ZCCHC8: variants seen among roughly 807,000 people sequenced by gnomAD.
The protein encoded by ZCCHC8 is zinc finger CCHC-type containing 8, also known as zinc finger CCHC domain-containing protein 8.
Under a neutral mutation model 70.6 loss-of-function variants are expected in ZCCHC8, and 27 were observed. The observed-to-expected ratio is 0.38, with a 90% CI of 0.28 to 0.53. The LOEUF (loss-of-function observed/expected upper bound fraction) is 0.53, where lower values mean the gene tolerates loss of function less well. Ranked by LOEUF, ZCCHC8 falls within the 20% of genes least tolerant of loss-of-function variation. ZCCHC8 has a pLI of 0.81. For synonymous variants in ZCCHC8, 293 were observed against 317.4 expected (o/e 0.92, Z 0.82); for missense variants, 737 against 876.9 (o/e 0.84, Z 2.01).
chr12:122,498,894 GC>G, intron 1 of ZCCHC8, 25 bp from the exon 2 acceptor site: 1 of 1,604,918 alleles, frequency 6.2e-7, no homozygotes, highest in Non-Finnish European at 8.5e-7. Flanking sequence ...AGGAAGATAA[GC>G]CCTCATTTAA....
chr12:122,482,611 T>C, intron 8 of ZCCHC8, 24 bp downstream of exon 8: 3 of 1,589,364 alleles, frequency 1.9e-6, no homozygotes, highest in African/African-American at 1.3e-5. Flanking sequence ...TTCAAAGACT[T>C]TTCTTAACAT....
chr12:122,492,811 A>G (rs1008671516), intron 2 of ZCCHC8, 22 bp from the exon 3 acceptor site: 2 of 1,448,868 alleles, frequency 1.4e-6, no homozygotes, highest in African/African-American at 1.4e-5. Flanking sequence ...GTTAGAACAT[A>G]TTCTTAGAAG....
chr12:122,489,411 A>G lies in ZCCHC8; in HGVS notation c.476T>C (p.Ile159Thr). The G allele has an allele frequency of 1.2e-6, 2 of 1,613,564 alleles. No homozygotes were observed. Among genetic ancestry groups the G allele is most frequent in the South Asian group, 2.2e-5 (2 of 90,990 alleles). Residue 159 changes from isoleucine (I) to threonine (T), a missense_variant, in exon 5 of 14, where the codon ATT becomes ACT. Transcript: ENST00000633063. ...EDHKVEESCA[I>T]KNNKEAFSVV... ...ACTGAAAGCTTCCTTGTTGTTTTTA[A>G]TGGCACAGGACTCTTCCACTTTGTG...
At chr12:122,486,412 C>CAAAAAAAAAA (rs762392385) in intron 5 of ZCCHC8, among the ~76,000 whole-genome samples, 1 of 50,858 alleles carries the variant, frequency 2.0e-5, no homozygotes, top group Admixed American at 2.7e-4. Flanking sequence ...GAGGCTGTCT[C>CAAAAAAAAAA]AAAAAAAAAA....
intron 5 of ZCCHC8, chr12:122,484,021 C>T (rs985601720): frequency 1.9e-5 from 3 of 161,804 alleles, no homozygotes; most frequent in African/African-American, 7.2e-5. Flanking sequence ...TATCCTTCAC[C>T]TAAACAACTG....
chr12:122,489,533 GT>G, intron 4 of ZCCHC8, 70 bp from the exon 5 acceptor site: 1 of 1,352,446 alleles, frequency 7.4e-7, no homozygotes, highest in Non-Finnish European at 1.0e-6. Context: ...AAGTTAGTAA[GT>G]TTAGAAATTA....
chr12:122,477,882 C>G lies in ZCCHC8; in HGVS notation c.1304G>C (p.Ser435Thr). 6.2e-7 allele frequency: 1 copy of G among 1,613,458 alleles called. No homozygotes were observed. The highest frequency in any genetic ancestry group is 8.5e-7 in the Non-Finnish European group (1 of 1,179,796). The change falls in exon 13 of 14, where the codon AGC (serine) becomes ACC (threonine). Residue 435 changes from serine (S) to threonine (T), a missense_variant. By Grantham distance (58) the Ser-to-Thr change is moderately conservative. Coordinates refer to ENST00000633063, the MANE Select transcript of ZCCHC8 (RefSeq NM_017612.5). ...GTCGGCGGGAGATCCCGCTGAGTTG[C>G]TTTCATTCTTCTGCTTCTTTGGACT... Reference protein sequence around the residue: ...PGSPKKQKNESNSAGSPADME... With the variant: ...PGSPKKQKNETNSAGSPADME...
chr12:122,475,080 C>T (rs922456910), intron 13 of ZCCHC8, among the ~76,000 whole-genome samples: 1 of 151,954 alleles, frequency 6.6e-6, no homozygotes, highest in Non-Finnish European at 1.5e-5. Flanking sequence ...TGGAGTCTTG[C>T]TCTGTTGCCC....
At chr12:122,480,385 T>C (rs1161568839) in intron 10 of ZCCHC8, 74 bp from the exon 11 acceptor site, 6 of 1,276,654 alleles carry the variant, frequency 4.7e-6, no homozygotes, top group Non-Finnish European at 5.2e-6. Flanking sequence ...AAAGTACACC[T>C]GGAAAGTGCT....
At chr12:122,494,884 A>G (rs1593333257) in intron 2 of ZCCHC8, among the ~76,000 whole-genome samples, 2 of 152,236 alleles carry the variant, frequency 1.3e-5, no homozygotes, top group East Asian at 3.8e-4. Flanking sequence ...AGTCACATGC[A>G]GCTGCATGGT....
intron 8 of ZCCHC8, 27 bp from the exon 9 acceptor site, chr12:122,482,114 T>C (rs769249231): frequency 1.3e-6 from 2 of 1,573,170 alleles, no homozygotes; most frequent in Admixed American, 3.6e-5. Context: ...TTGAAAAGAA[T>C]GGTTTCATGC....
At chr12:122,476,543 A>G (rs1957420825) in intron 13 of ZCCHC8, among the ~76,000 whole-genome samples, 1 of 151,826 alleles carries the variant, frequency 6.6e-6, no homozygotes. Context: ...GCACTGAGCC[A>G]TGATCGCACC....
intron 2 of ZCCHC8, 62 bp from the exon 3 acceptor site, chr12:122,492,851 A>G: frequency 1.8e-6 from 2 of 1,085,504 alleles, no homozygotes; most frequent in Non-Finnish European, 2.7e-6. Flanking sequence ...ATACGTATAT[A>G]TAAACGCATA....
chr12:122,492,655 A>G, intron 3 of ZCCHC8, 60 bp downstream of exon 3: 1 of 1,083,616 alleles, frequency 9.2e-7, no homozygotes, highest in Non-Finnish European at 1.4e-6. Flanking sequence ...CAGCATATTT[A>G]TAGAGAAAAT....
chr12:122,474,364 T>C (rs1593310323), intron 13 of ZCCHC8, 89 bp from the exon 14 acceptor site: 1 of 1,202,938 alleles, frequency 8.3e-7, no homozygotes, highest in Non-Finnish European at 1.1e-6. Flanking sequence ...GTGTATCCAG[T>C]AATTCAATGG....
Position 122,478,464 on chromosome 12 carries a change from T to C in ZCCHC8, c.1141-172A>G, listed in dbSNP as rs6416295. On this transcript the variant is annotated intron_variant, in intron 11 of 13. Coordinates refer to ENST00000633063, the MANE Select transcript of ZCCHC8 (RefSeq NM_017612.5). ...ATAATGTGTTGAAGGAAAACTAAACTTGCCTGCAAAATAATTAAGACTGAA... is the reference window on the plus strand; with the variant it reads ...ATAATGTGTTGAAGGAAAACTAAACCTGCCTGCAAAATAATTAAGACTGAA... 0.57 allele frequency: 334,446 copies of C among 582,120 alleles called. 98,508 individuals carry two copies. Among genetic ancestry groups the C allele is most frequent in the African/African-American group, 0.75 (40,159 of 53,200 alleles). 36.1% of individuals were successfully genotyped at this position (582,120 alleles called of 1,614,324 possible). A position where few individuals can be genotyped will look rare whatever the true frequency, so the allele number is the denominator to read the frequency against.
chr12:122,484,721 CTCTT>C (rs1331165909), intron 5 of ZCCHC8, among the ~76,000 whole-genome samples: 2 of 151,976 alleles, frequency 1.3e-5, no homozygotes, highest in Non-Finnish European at 2.9e-5. Context: ...ACTGCCCTCT[CTCTT>C]GAACATTTCC....
At chr12:122,480,088 A>T (rs1384893027) in intron 11 of ZCCHC8, 102 bp downstream of exon 11, 6 of 1,078,242 alleles carry the variant, frequency 5.6e-6, no homozygotes, top group Non-Finnish European at 6.6e-6. Context: ...TTGGGATTAC[A>T]GGTGTGAGCC....
chr12:122,487,781 A>G (rs1040254782), intron 5 of ZCCHC8, among the ~76,000 whole-genome samples: 4 of 152,184 alleles, frequency 2.6e-5, no homozygotes, highest in Non-Finnish European at 5.9e-5. Flanking sequence ...TTCTTTCAAT[A>G]AAGTCTGTGG....
Sources: gnomAD v4.1 joint callset for allele counts (sites outside exome capture counted in the v4.1 genomes callset) on GRCh38, gnomAD v4.1.1 for gene constraint, MANE v1.5 for transcripts, NCBI Gene and HGNC (gene_info 2026-07-23, HGNC 2026-07-21) for gene names.